CPLANE1: variants seen among roughly 807,000 people sequenced by gnomAD.
The protein encoded by CPLANE1 is ciliogenesis and planar polarity effector complex subunit 1.
Under a neutral mutation model 362.5 loss-of-function variants are expected in CPLANE1, and 263 were observed. The ratio of observed to expected loss-of-function variants is 0.73; its 90% CI spans 0.66 to 0.80. The LOEUF (loss-of-function observed/expected upper bound fraction) is 0.80, where lower values mean the gene tolerates loss of function less well. CPLANE1 is among the 30% of genes least tolerant of loss of function. The pLI is 0.00. For synonymous variants in CPLANE1, 1,212 were observed against 1,302.6 expected (o/e 0.93, Z 1.50); for missense variants, 3,461 against 3,793.4 (o/e 0.91, Z 2.30).
chr5:37,193,008 AG>A, intron 21 of CPLANE1, among the ~76,000 whole-genome samples: 1 of 151,310 alleles, frequency 6.6e-6, no homozygotes, highest in Admixed American at 6.6e-5. Context: ...CCTACTAAAA[AG>A]TACAAAAATT....
chr5:37,092,301 A>G, the CPLANE1 span, among the ~76,000 whole-genome samples: 1 of 152,244 alleles, frequency 6.6e-6, no homozygotes, highest in Non-Finnish European at 1.5e-5. Context: ...TAAGTTATAA[A>G]GGTTCTAACA....
intron 48 of CPLANE1, 59 bp downstream of exon 48, chr5:37,122,371 T>A: frequency 7.5e-7 from 1 of 1,324,794 alleles, no homozygotes; most frequent in Non-Finnish European, 1.1e-6. Flanking sequence ...AAGGCATTAA[T>A]CTATGCCTCA....
intron 19 of CPLANE1, among the ~76,000 whole-genome samples, 192 bp downstream of exon 19, chr5:37,201,399 C>T (rs1275370867): frequency 5.3e-5 from 8 of 152,206 alleles, no homozygotes; most frequent in Non-Finnish European, 1.0e-4. Flanking sequence ...TGCATTTAAC[C>T]GATACGGAAA....
chr5:37,150,490 A>G (rs1313352335), intron 42 of CPLANE1, among the ~76,000 whole-genome samples: 1 of 151,962 alleles, frequency 6.6e-6, no homozygotes, highest in Non-Finnish European at 1.5e-5. Context: ...CCTGATAGAA[A>G]TCATTGTGCC....
chr5:37,203,786 G>A (rs980049140), intron 18 of CPLANE1, among the ~76,000 whole-genome samples: 2 of 152,202 alleles, frequency 1.3e-5, no homozygotes, highest in African/African-American at 4.8e-5. Flanking sequence ...CCAAAGCATT[G>A]AGATTACAGG....
At position 37,107,590 on chromosome 5, in the gene CPLANE1, G is replaced by A. The variant is rs1272320860; in HGVS notation, c.*12C>T. 2 of 1,596,408 alleles carry A rather than the reference G, an allele frequency of 1.3e-6. No homozygotes were observed. The highest frequency in any genetic ancestry group is 1.7e-6 in the Non-Finnish European group (2 of 1,169,696). ...GCTGGCCTGTGCATGGAAACCCAATGATATCCAGGTCTTACAGGTCCAGGG... is the reference window on the plus strand; with the variant it reads ...GCTGGCCTGTGCATGGAAACCCAATAATATCCAGGTCTTACAGGTCCAGGG... On this transcript the variant is annotated 3_prime_UTR_variant, in exon 53 of 53. Coordinates refer to ENST00000651892, the MANE Select transcript of CPLANE1 (RefSeq NM_001384732.1).
At chr5:37,218,228 G>A (rs1018734284) in intron 15 of CPLANE1, among the ~76,000 whole-genome samples, 4 of 152,088 alleles carry the variant, frequency 2.6e-5, no homozygotes, top group East Asian at 1.9e-4. Context: ...TGTGGTTTAC[G>A]CTGAACATCT....
intron 42 of CPLANE1, among the ~76,000 whole-genome samples, chr5:37,152,318 A>G (rs1329320727): frequency 6.6e-6 from 1 of 152,148 alleles, no homozygotes; most frequent in African/African-American, 2.4e-5. Flanking sequence ...CTAGGACTAC[A>G]GGTGCACACC....
intron 6 of CPLANE1, 87 bp downstream of exon 6, chr5:37,242,925 AC>A (rs1800887929): frequency 8.8e-6 from 7 of 796,634 alleles, no homozygotes; most frequent in Admixed American, 3.1e-5. Flanking sequence ...TTGTGCCACT[AC>A]CCCCCAGTCT....
intron 4 of CPLANE1, 84 bp from the exon 5 acceptor site, chr5:37,244,691 T>A (rs61406200): frequency 6.7e-5 from 46 of 682,300 alleles, no homozygotes; most frequent in African/African-American, 3.6e-4. Context: ...ATTCTTACAA[T>A]AAAAAAAAAA....
intron 34 of CPLANE1, 95 bp downstream of exon 34, chr5:37,168,696 A>T: frequency 9.8e-7 from 1 of 1,019,472 alleles, no homozygotes; most frequent in Non-Finnish European, 1.4e-6. Flanking sequence ...GCATTTTTTT[A>T]TGTACAAGAG....
chr5:37,084,745 C>T, the CPLANE1 span, among the ~76,000 whole-genome samples: 2 of 151,266 alleles, frequency 1.3e-5, no homozygotes, highest in East Asian at 1.9e-4. Context: ...CACTCCAGCC[C>T]GGGCAACAGA....
At chr5:37,117,336 CA>C (rs1383196359) in intron 50 of CPLANE1, among the ~76,000 whole-genome samples, 4 of 150,766 alleles carry the variant, frequency 2.7e-5, no homozygotes, top group Non-Finnish European at 4.4e-5. Flanking sequence ...CAGGTAACAA[CA>C]ACAGGACACC....
At chr5:37,242,963 A>C (rs1800899248) in intron 6 of CPLANE1, 50 bp downstream of exon 6, 2 of 1,365,382 alleles carry the variant, frequency 1.5e-6, no homozygotes, top group Non-Finnish European at 1.0e-6. Flanking sequence ...CCCTGCCTCC[A>C]AAAGAAAAAA....
chr5:37,177,533 T>C (rs1781509548), intron 30 of CPLANE1, 88 bp downstream of exon 30: 1 of 896,096 alleles, frequency 1.1e-6, no homozygotes, highest in Admixed American at 2.1e-5. Flanking sequence ...CCACCCTAAA[T>C]CATGTATTGT....
intron 35 of CPLANE1, 121 bp from the exon 36 acceptor site, chr5:37,165,792 TTTAA>T (rs1279465054): frequency 1.1e-6 from 1 of 875,544 alleles, no homozygotes; most frequent in Non-Finnish European, 1.7e-6. Flanking sequence ...TTCAATAGCA[TTTAA>T]TTAAATTGGC....
chr5:37,104,003 A>G (rs551496027), downstream of CPLANE1, among the ~76,000 whole-genome samples: 2 of 152,306 alleles, frequency 1.3e-5, no homozygotes, highest in East Asian at 3.9e-4. Context: ...AGGTACCCCA[A>G]TCAGTCATAG....
chr5:37,230,428 AAAC>A (rs935198062), intron 9 of CPLANE1, among the ~76,000 whole-genome samples: 4 of 152,028 alleles, frequency 2.6e-5, no homozygotes, highest in Admixed American at 1.3e-4. Flanking sequence ...AAAAATTTTA[AAAC>A]AACAACAAAA....
intron 46 of CPLANE1, among the ~76,000 whole-genome samples, chr5:37,132,043 TA>T (rs1310919660): frequency 6.6e-6 from 1 of 152,168 alleles, no homozygotes; most frequent in Non-Finnish European, 1.5e-5. Flanking sequence ...TGAAGGTAAC[TA>T]AATGCATTAG....
Sources: allele counts gnomAD v4.1 joint callset (sites outside exome capture counted in the v4.1 genomes callset), GRCh38; gene constraint gnomAD v4.1.1; transcripts MANE v1.5; gene names NCBI Gene and HGNC (gene_info 2026-07-23, HGNC 2026-07-21).